Variants in C4orf51 observed in about 807,000 individuals in gnomAD.
The protein encoded by C4orf51 is uncharacterized protein C4orf51.
A neutral mutation model predicts 25.2 loss-of-function variants in C4orf51; 25 were observed. The ratio of observed to expected loss-of-function variants is 0.99; its 90% CI spans 0.72 to 1.39. The LOEUF (loss-of-function observed/expected upper bound fraction) is 1.39. C4orf51 is among the 40% of genes most tolerant of loss of function. The probability of loss-of-function intolerance (pLI) is 0.00; values close to 1 mark genes in which losing one functional copy is unlikely to be tolerated. For synonymous variants in C4orf51, 100 were observed against 84.5 expected (o/e 1.18, Z -1.01); for missense variants, 252 against 239.6 (o/e 1.05, Z -0.34).
At chr4:145,748,115 G>T (rs1195037786) in intron 1 of C4orf51, among the ~76,000 whole-genome samples, 1 of 151,860 alleles carries the variant, frequency 6.6e-6, no homozygotes. Context: ...GTTCAATCTT[G>T]ATAGGTTGTA....
chr4:145,702,281 A>G lies in C4orf51; in HGVS notation c.307+5649A>G, dbSNP rs866990437. ...CTATCCACCCCGTGGTGCCAAACCC[A>G]CATACTCTCCTATCCTCAATACCTC... On this transcript the variant is annotated intron_variant, in intron 2 of 5. Coordinates refer to ENST00000438731, the MANE Select transcript of C4orf51 (RefSeq NM_001080531.3). 5.8e-4 allele frequency among the ~76,000 whole-genome samples: 88 copies of G among 151,708 alleles called. No homozygotes were observed. The Middle Eastern group carries it at 0.014, about 23-fold the overall frequency.
At chr4:145,688,319 A>G (rs1472019345) in intron 1 of C4orf51, among the ~76,000 whole-genome samples, 1 of 152,188 alleles carries the variant, frequency 6.6e-6, no homozygotes, top group African/African-American at 2.4e-5. Flanking sequence ...CATTAGAGAA[A>G]ATAGAGGCAA....
chr4:145,733,185 C>T (rs568755208), downstream of C4orf51, among the ~76,000 whole-genome samples: 565 of 152,144 alleles, frequency 3.7e-3, 6 homozygotes, highest in African/African-American at 0.013. Flanking sequence ...CTCCCCGGTC[C>T]GCCTCTTCCC....
Position 145,761,348 on chromosome 4 carries a change from A to G in C4orf51, n.167-9640A>G, listed in dbSNP as rs1166150077. On this transcript the variant is annotated intron_variant and non_coding_transcript_variant, in intron 1 of 1. Transcript: ENST00000510096. This position sits in a 1 kb window ranked among gnomAD's most constrained non-coding sequence, Gnocchi z 6.8. ...TTGCAGCTGTAGCTGCACTGGTCAC[A>G]GTGGAAGGGCCGCTCCCCGGTGTGG... 1.6e-6 allele frequency: 2 copies of G among 1,289,948 alleles called. No homozygotes were observed. Among genetic ancestry groups the G allele is most frequent in the South Asian group, 1.2e-5 (1 of 81,046 alleles). 79.9% of individuals were successfully genotyped at this position (1,289,948 alleles called of 1,614,324 possible).
In C4orf51 at chr4:145,763,551, A is replaced by G. The variant is rs775154008; in HGVS notation, n.167-7437A>G. ...CAGAATTCACTGTGCATTCTCCCCAATGGCTTCAGAGGCTGGGGACTTTGG... is the reference window on the plus strand; with the variant it reads ...CAGAATTCACTGTGCATTCTCCCCAGTGGCTTCAGAGGCTGGGGACTTTGG... On this transcript the variant is annotated intron_variant and non_coding_transcript_variant, in intron 1 of 1. Coordinates refer to the C4orf51 transcript ENST00000510096. The surrounding 1 kb of genome is among the most constrained non-coding windows in gnomAD (Gnocchi z 4.6). Among the ~76,000 whole-genome samples the G allele has an allele frequency of 2.4e-4, 36 of 152,190 alleles. No homozygotes were observed. The highest frequency in any genetic ancestry group is 6.8e-4 in the African/African-American group (28 of 41,454).
chr4:145,681,824 G>T (rs1728857052), intron 1 of C4orf51, among the ~76,000 whole-genome samples: 1 of 152,112 alleles, frequency 6.6e-6, no homozygotes. Flanking sequence ...ATTTGTGGAG[G>T]TTCCACACTT....
downstream of C4orf51, chr4:145,758,060 A>ATT (rs1462898199): frequency 5.3e-5 from 8 of 152,164 alleles, no homozygotes; most frequent in Non-Finnish European, 1.2e-4. Flanking sequence ...AGGGGTACAT[A>ATT]TTTTCTAGGG....
At chr4:145,751,490 A>G (rs1258414665) in intron 1 of C4orf51, among the ~76,000 whole-genome samples, 1 of 152,120 alleles carries the variant, frequency 6.6e-6, no homozygotes, top group Non-Finnish European at 1.5e-5. Flanking sequence ...TCCCAAACAG[A>G]GTCTCTGTGT....
At chr4:145,692,684 C>G (rs1729663329) in intron 1 of C4orf51, among the ~76,000 whole-genome samples, 1 of 152,202 alleles carries the variant, frequency 6.6e-6, no homozygotes, top group African/African-American at 2.4e-5. Flanking sequence ...CAATTCCACT[C>G]TACCCCTGCC....
At chr4:145,771,451 T>C (rs1052400514), downstream of C4orf51, among the ~76,000 whole-genome samples, 2 of 152,248 alleles carry the variant, frequency 1.3e-5, no homozygotes, top group African/African-American at 4.8e-5. Flanking sequence ...TATTGATAGT[T>C]GTATTTTCCA....
At chr4:145,688,333 A>G (rs993507644) in intron 1 of C4orf51, among the ~76,000 whole-genome samples, 2 of 152,228 alleles carry the variant, frequency 1.3e-5, no homozygotes, top group Non-Finnish European at 2.9e-5. Flanking sequence ...GAGGCAATCT[A>G]AAAGGAGATA....
downstream of C4orf51, among the ~76,000 whole-genome samples, chr4:145,735,396 A>C (rs140498470): frequency 6.6e-6 from 1 of 152,328 alleles, no homozygotes; most frequent in African/African-American, 2.4e-5. Flanking sequence ...TGAGCATAGT[A>C]ATGGGATGAG....
downstream of C4orf51, among the ~76,000 whole-genome samples, chr4:145,771,453 T>C (rs149834254): frequency 4.7e-3 from 710 of 152,356 alleles, 5 homozygotes; most frequent in African/African-American, 0.016. Flanking sequence ...TTGATAGTTG[T>C]ATTTTCCAAA....
chr4:145,694,457 G>A (rs1298143999), intron 1 of C4orf51, among the ~76,000 whole-genome samples: 1 of 107,262 alleles, frequency 9.3e-6, no homozygotes, highest in Non-Finnish European at 2.0e-5. Flanking sequence ...GGGAAGTGAG[G>A]AGCCCCTCTG....
chr4:145,703,435 C>T (rs1368255790), intron 2 of C4orf51, among the ~76,000 whole-genome samples: 2 of 152,090 alleles, frequency 1.3e-5, no homozygotes. Flanking sequence ...CCACCTGTAC[C>T]CAGGTGATTA....
At chr4:145,757,138 C>T (rs902022754), downstream of C4orf51, among the ~76,000 whole-genome samples, 1 of 152,142 alleles carries the variant, frequency 6.6e-6, no homozygotes, top group Admixed American at 6.5e-5. Flanking sequence ...TCTCTGGTAC[C>T]TTCCCTTGAA....
chr4:145,688,558 T>G (rs1729323481), intron 1 of C4orf51, among the ~76,000 whole-genome samples: 1 of 152,130 alleles, frequency 6.6e-6, no homozygotes, highest in African/African-American at 2.4e-5. Flanking sequence ...CAGCATGCTC[T>G]ATCTCTCCTG....
At chr4:145,729,512 A>G (rs187510841) in intron 4 of C4orf51, among the ~76,000 whole-genome samples, 137 of 152,172 alleles carry the variant, frequency 9.0e-4, no homozygotes, top group Middle Eastern at 3.4e-3. Context: ...CGTGTTAGCC[A>G]GGATGGTCTC....
the C4orf51 span, among the ~76,000 whole-genome samples, chr4:145,791,305 G>A: frequency 6.6e-6 from 1 of 152,236 alleles, no homozygotes; most frequent in South Asian, 2.1e-4. Context: ...CTTTTATAGG[G>A]GCACTAATCC....
Sources: gnomAD v4.1 joint callset for allele counts (sites outside exome capture counted in the v4.1 genomes callset) on GRCh38, gnomAD v4.1.1 for gene constraint, Gnocchi (gnomAD v3.1) non-coding constraint, MANE v1.5 for transcripts, NCBI Gene and HGNC (gene_info 2026-07-23, HGNC 2026-07-21) for gene names.